MRPS5: variants seen among roughly 807,000 people sequenced by gnomAD.
MRPS5 encodes the protein mitochondrial ribosomal protein S5, also known as small ribosomal subunit protein uS5m.
MRPS5 carries 27 observed loss-of-function variants against 51.9 expected under a neutral mutation model. That is an observed-to-expected ratio of 0.52 (90% CI 0.38 to 0.72). The LOEUF is 0.72. Among genes scored for constraint, MRPS5 ranks in the 30% least tolerant of loss-of-function variants. MRPS5 has a pLI of 0.00. For synonymous variants in MRPS5, 196 were observed against 193.2 expected (o/e 1.01, Z -0.12); for missense variants, 570 against 545.7 (o/e 1.04, Z -0.44).
At chr2:95,121,395 A>G (rs1676444231) in intron 1 of MRPS5, among the ~76,000 whole-genome samples, 1 of 152,220 alleles carries the variant, frequency 6.6e-6, no homozygotes, top group Admixed American at 6.5e-5. Context: ...ACCCACGTCA[A>G]CATCAAATGA....
chr2:95,098,315 T>C (rs1272590005), intron 10 of MRPS5, among the ~76,000 whole-genome samples: 1 of 152,198 alleles, frequency 6.6e-6, no homozygotes, highest in African/African-American at 2.4e-5. Flanking sequence ...AGAAATACCA[T>C]TTGACCCAGC....
At chr2:95,108,102 A>AG in intron 5 of MRPS5, 73 bp downstream of exon 5, 1 of 1,332,044 alleles carries the variant, frequency 7.5e-7, no homozygotes, top group Non-Finnish European at 1.1e-6. Flanking sequence ...ACAAGTAATA[A>AG]CACCATTTCA....
intron 10 of MRPS5, among the ~76,000 whole-genome samples, chr2:95,098,333 T>C (rs1474353711): frequency 1.3e-5 from 2 of 152,196 alleles, no homozygotes; most frequent in South Asian, 4.1e-4. Context: ...AGCCATCCCA[T>C]TACTGGGTAT....
intron 3 of MRPS5, among the ~76,000 whole-genome samples, chr2:95,113,669 T>G (rs1341536278): frequency 1.3e-5 from 2 of 152,106 alleles, no homozygotes; most frequent in African/African-American, 4.8e-5. Context: ...TAAGCCTATG[T>G]TGCTTAATCC....
chr2:95,094,714 A>T (rs1286784121), intron 10 of MRPS5, among the ~76,000 whole-genome samples: 1 of 152,230 alleles, frequency 6.6e-6, no homozygotes, highest in Non-Finnish European at 1.5e-5. Flanking sequence ...CTGCCTTACA[A>T]GAACTCCTGA....
intron 10 of MRPS5, chr2:95,092,336 T>C (rs778461744): frequency 8.5e-5 from 13 of 152,232 alleles, no homozygotes; most frequent in Non-Finnish European, 1.9e-4. Flanking sequence ...TCCATTTCTC[T>C]TGGGAGATTC....
At chr2:95,093,938 A>ACG (rs1181585622) in intron 10 of MRPS5, among the ~76,000 whole-genome samples, 1 of 152,238 alleles carries the variant, frequency 6.6e-6, no homozygotes, top group Non-Finnish European at 1.5e-5. Flanking sequence ...AACTTCTCCA[A>ACG]GTTAAAGGAG....
rs370421927 is a variant in MRPS5, at chr2:95,090,424, T to C, written c.1030A>G (p.Ser344Gly). The C allele has an allele frequency of 8.1e-6, 13 of 1,614,060 alleles. No individual in the cohort carries two copies. In the African/African-American group the frequency reaches 1.5e-4, roughly 18 times the overall value. ...AKVSGSINML[S>G]LTQGLFRGLS... ...CCACGGAAGAGGCCCTGGGTGAGGCTGAGCATATTAATGGACCCAGAGACC... is the reference window on the plus strand; with the variant it reads ...CCACGGAAGAGGCCCTGGGTGAGGCCGAGCATATTAATGGACCCAGAGACC... The change falls in exon 11 of 12, where the codon AGC becomes GGC. Residue 344 changes from serine (S) to glycine (G), a missense_variant. By Grantham distance (56) the Ser-to-Gly change is moderately conservative. Coordinates refer to ENST00000272418, the MANE Select transcript of MRPS5 (RefSeq NM_031902.5).
Position 95,115,132 on chromosome 2 carries a change from A to G in MRPS5, c.211T>C (p.Cys71Arg), listed in dbSNP as rs374428514. 4.3e-5 allele frequency: 69 copies of G among 1,612,822 alleles called. No homozygotes were observed. Among genetic ancestry groups the G allele is most frequent in the Non-Finnish European group, 5.4e-5 (64 of 1,179,730 alleles). The change falls in exon 3 of 12, where the codon TGC becomes CGC. Residue 71 changes from cysteine (C) to arginine (R), a missense_variant. By Grantham distance (180) the Cys-to-Arg change is radical. Transcript: ENST00000272418. ...ASLSRALQTQ[C>R]CISSPSHLMS... ...AGGTGACTGGGAGAAGAAATACAGC[A>G]TTGTGTCTGCAGTGCACGGCTCAAG...
intron 7 of MRPS5, among the ~76,000 whole-genome samples, chr2:95,103,473 A>G (rs985097130): frequency 6.6e-6 from 1 of 152,226 alleles, no homozygotes; most frequent in African/African-American, 2.4e-5. Flanking sequence ...GAGATGGTGT[A>G]GAGAAACACA....
At chr2:95,106,377 C>CCAACAA in intron 6 of MRPS5, 46 bp downstream of exon 6, 5 of 1,413,682 alleles carry the variant, frequency 3.5e-6, no homozygotes, top group South Asian at 1.2e-5. Context: ...CCACCCACCC[C>CCAACAA]AACCTCTCCA....
At chr2:95,108,992 T>C (rs1271219957) in intron 4 of MRPS5, among the ~76,000 whole-genome samples, 1 of 152,034 alleles carries the variant, frequency 6.6e-6, no homozygotes, top group African/African-American at 2.4e-5. Flanking sequence ...ATACCTAAAA[T>C]TTAATACATA....
intron 10 of MRPS5, among the ~76,000 whole-genome samples, chr2:95,094,395 TA>T (rs1558676841): frequency 1.3e-5 from 2 of 152,076 alleles, no homozygotes; most frequent in Non-Finnish European, 2.9e-5. Context: ...ACCACAAAAA[TA>T]CTCCTTGAGA....
chr2:95,099,341 A>G (rs565178024), intron 10 of MRPS5, among the ~76,000 whole-genome samples: 2 of 152,266 alleles, frequency 1.3e-5, no homozygotes, highest in African/African-American at 4.8e-5. Flanking sequence ...AGCAGAAGCC[A>G]TATATATAAT....
chr2:95,097,917 C>A (rs1675675709), intron 10 of MRPS5, among the ~76,000 whole-genome samples: 2 of 152,144 alleles, frequency 1.3e-5, no homozygotes. Flanking sequence ...AGGCAACCTA[C>A]CGAATGGGAG....
intron 1 of MRPS5, among the ~76,000 whole-genome samples, chr2:95,120,799 G>C (rs1316004308): frequency 6.6e-6 from 1 of 152,146 alleles, no homozygotes; most frequent in African/African-American, 2.4e-5. Flanking sequence ...AGCTACAACA[G>C]CTAGGAGCCA....
intron 2 of MRPS5, among the ~76,000 whole-genome samples, chr2:95,116,406 T>C (rs1270377744): frequency 1.3e-5 from 2 of 152,126 alleles, no homozygotes; most frequent in Non-Finnish European, 2.9e-5. Context: ...AAGCCTGAAA[T>C]ACTTCTCCTA....
At chr2:95,121,928 CG>C (rs1331823535), upstream of MRPS5, 1 of 1,034,616 alleles carries the variant, frequency 9.7e-7, no homozygotes, top group East Asian at 3.2e-5. Context: ...CAGCGCAGGC[CG>C]GGGTGAGGGA....
At position 95,121,762 on chromosome 2, in the gene MRPS5, G is replaced by A. The variant is rs763912043; in HGVS notation, c.30C>T (p.Cys10=). The change falls in exon 1 of 12, where the codon TGC becomes TGT. Residue 10 remains cysteine (C), a synonymous_variant. Coordinates refer to ENST00000272418, the MANE Select transcript of MRPS5 (RefSeq NM_031902.5). The part of the protein sequence containing the change: MATAVRAVG[C]LPVLCSGTAG... ...CCGTCCCGCTACACAGCACGGGGAG[G>A]CAGCCCACAGCGCGCACCGCGGTCG... 2 of 1,553,314 alleles carry A rather than the reference G, an allele frequency of 1.3e-6. No homozygotes were observed. Among genetic ancestry groups the A allele is most frequent in the Non-Finnish European group, 1.7e-6 (2 of 1,158,976 alleles).
Sources: gnomAD v4.1 joint callset for allele counts (sites outside exome capture counted in the v4.1 genomes callset) on GRCh38, gnomAD v4.1.1 for gene constraint, MANE v1.5 for transcripts, NCBI Gene and HGNC (gene_info 2026-07-23, HGNC 2026-07-21) for gene names.